Variants in THSD7B observed in about 807,000 individuals in gnomAD.
THSD7B encodes thrombospondin type-1 domain-containing protein 7B.
Under a neutral mutation model 213.6 loss-of-function variants are expected in THSD7B, and 138 were observed. That is an observed-to-expected ratio of 0.65 (90% confidence interval 0.56 to 0.74). The LOEUF is 0.74. Ranked by LOEUF, THSD7B falls within the 30% of genes least tolerant of loss-of-function variation. The probability of loss-of-function intolerance (pLI) is 0.00; values close to 1 mark genes in which losing one functional copy is unlikely to be tolerated. For missense variants in THSD7B, 1,931 were observed against 1,991.5 expected (o/e 0.97, Z 0.58); for synonymous variants, 742 against 687.0 (o/e 1.08, Z -1.25).
intron 13 of THSD7B, 113 bp downstream of exon 13, chr2:137,405,920 T>A: frequency 1.1e-6 from 1 of 884,302 alleles, no homozygotes; most frequent in Non-Finnish European, 1.7e-6. Context: ...TTCCTCTCTC[T>A]CCATTCGTTA....
chr2:137,112,751 C>G (rs918499397), intron 4 of THSD7B, among the ~76,000 whole-genome samples: 1 of 148,390 alleles, frequency 6.7e-6, no homozygotes, highest in African/African-American at 2.4e-5. Context: ...ATGAAATCCT[C>G]ATAAATAAAA....
intron 17 of THSD7B, among the ~76,000 whole-genome samples, chr2:137,574,432 C>T (rs1681417704): frequency 6.6e-6 from 1 of 152,078 alleles, no homozygotes; most frequent in African/African-American, 2.4e-5. Flanking sequence ...CCTTTACCTG[C>T]TTATGTACCT....
rs530415105 is a variant in THSD7B at position 137,080,930 on chromosome 2, T to A, written c.951-13943T>A. Among the ~76,000 whole-genome samples the A allele has an allele frequency of 7.5e-4, 114 of 152,308 alleles. 1 individual carries two copies. The highest frequency in any genetic ancestry group is 2.7e-3 in the African/African-American group (112 of 41,586). On this transcript the variant is annotated intron_variant, in intron 3 of 27. Transcript: ENST00000409968. The stretch of plus-strand genomic sequence containing the variant: ...AGCAAATTCTTGAGGAAAATCACAA[T>A]ATACAGTGTTTTCTGAGTTGGGGAG...
intron 7 of THSD7B, 65 bp downstream of exon 7, chr2:137,171,003 C>A: frequency 6.7e-7 from 1 of 1,488,124 alleles, no homozygotes; most frequent in Non-Finnish European, 9.2e-7. Flanking sequence ...CACATGACCA[C>A]CCTTCAATAG....
In THSD7B at chr2:137,300,917, A is replaced by G. The variant is rs556888634; in HGVS notation, c.2500+24891A>G. On this transcript the variant is annotated intron_variant, in intron 12 of 27. Coordinates refer to ENST00000409968, the MANE Select transcript of THSD7B (RefSeq NM_001316349.2). ...ACAGAGACATCGGGGTCATGTGGGGAAAAATGGAAGCTCTAGAAACCCCTT... is the reference window on the plus strand; with the variant it reads ...ACAGAGACATCGGGGTCATGTGGGGGAAAATGGAAGCTCTAGAAACCCCTT... Among the ~76,000 whole-genome samples the G allele has an allele frequency of 1.4e-4, 21 of 152,190 alleles. No individual in the cohort carries two copies. The South Asian group carries it at 1.5e-3, about 11-fold the overall frequency.
chr2:137,138,539 G>A (rs77791689), intron 5 of THSD7B, among the ~76,000 whole-genome samples: 7,485 of 152,188 alleles, frequency 0.049, 211 homozygotes, highest in East Asian at 0.09. Flanking sequence ...TAAAGGTGGA[G>A]TATTTAAATC....
chr2:137,033,315 A>G (rs997491364), intron 2 of THSD7B, among the ~76,000 whole-genome samples: 2 of 152,190 alleles, frequency 1.3e-5, no homozygotes, highest in Non-Finnish European at 2.9e-5. Flanking sequence ...CTCTGCTCCA[A>G]GTGGTCCTTC....
chr2:137,094,509 G>T (rs902347395), intron 3 of THSD7B, among the ~76,000 whole-genome samples: 5 of 151,142 alleles, frequency 3.3e-5, no homozygotes, highest in Admixed American at 6.6e-5. Flanking sequence ...GGGAGGCAGA[G>T]GTTGCATCAC....
intron 15 of THSD7B, among the ~76,000 whole-genome samples, chr2:137,500,392 C>T (rs749086768): frequency 2.0e-5 from 3 of 152,136 alleles, no homozygotes; most frequent in South Asian, 2.1e-4. Flanking sequence ...TTTAGACATG[C>T]GTAGTCAGGC....
chr2:137,290,670 A>G (rs780810879), intron 12 of THSD7B, among the ~76,000 whole-genome samples: 7 of 152,058 alleles, frequency 4.6e-5, no homozygotes, highest in Non-Finnish European at 7.4e-5. Flanking sequence ...CAGACTTAGA[A>G]TTTTCCCCTG....
At chr2:137,123,562 C>A (rs1003568099) in intron 5 of THSD7B, among the ~76,000 whole-genome samples, 1 of 152,098 alleles carries the variant, frequency 6.6e-6, no homozygotes. Context: ...CTGGAACCTC[C>A]TGAGTAAAGT....
intron 15 of THSD7B, among the ~76,000 whole-genome samples, chr2:137,554,664 C>A (rs189984295): frequency 4.7e-4 from 72 of 152,244 alleles, no homozygotes; most frequent in African/African-American, 1.6e-3. Flanking sequence ...AACTGAGGTA[C>A]CAGGTTCATC....
intron 20 of THSD7B, among the ~76,000 whole-genome samples, chr2:137,635,783 C>T (rs1170072790): frequency 6.6e-6 from 1 of 151,842 alleles, no homozygotes; most frequent in African/African-American, 2.4e-5. Flanking sequence ...TGGCTCACTG[C>T]AACCTCTGCC....
rs192907706 is a variant in THSD7B, at chr2:136,991,433, A to T, written c.140-64987A>T. On this transcript the variant is annotated intron_variant, in intron 2 of 27. Coordinates refer to ENST00000409968, the MANE Select transcript of THSD7B (RefSeq NM_001316349.2). ...TTGGCTAAGTGATATATTTGGAATT[A>T]AAAAAAGAGAGCGAGAGAGAGTCTC... is the stretch of plus-strand genomic sequence containing the variant. 2.0e-4 allele frequency among the ~76,000 whole-genome samples: 31 copies of T among 152,306 alleles called. 1 individual carries two copies. Among genetic ancestry groups the T allele is most frequent in the Admixed American group, 1.8e-3 (27 of 15,302 alleles).
chr2:137,478,531 A>T (rs765453913), intron 15 of THSD7B, among the ~76,000 whole-genome samples: 6 of 151,606 alleles, frequency 4.0e-5, no homozygotes, highest in African/African-American at 1.5e-4. Flanking sequence ...AGTTTCTTTA[A>T]TGTCATTATT....
chr2:137,447,196 T>C (rs1251045777), intron 14 of THSD7B, among the ~76,000 whole-genome samples: 1 of 152,082 alleles, frequency 6.6e-6, no homozygotes, highest in African/African-American at 2.4e-5. Context: ...TTACTTCTTA[T>C]CATAGGGAAA....
At chr2:137,618,835 A>G (rs2104840859) in intron 19 of THSD7B, among the ~76,000 whole-genome samples, 1 of 152,308 alleles carries the variant, frequency 6.6e-6, no homozygotes, top group East Asian at 1.9e-4. Flanking sequence ...ATTCTTTTGT[A>G]TTGGACAGGT....
intron 2 of THSD7B, among the ~76,000 whole-genome samples, chr2:136,914,457 A>G (rs1684318932): frequency 1.3e-5 from 2 of 152,206 alleles, no homozygotes; most frequent in African/African-American, 4.8e-5. Context: ...GGGAGGGACC[A>G]GGGTTGGAAT....
intron 12 of THSD7B, among the ~76,000 whole-genome samples, chr2:137,369,565 A>G (rs975391663): frequency 6.6e-6 from 1 of 152,202 alleles, no homozygotes; most frequent in African/African-American, 2.4e-5. Flanking sequence ...AAAAGAGGCT[A>G]AAGAGTTCCA....
Sources: gnomAD v4.1 joint callset for allele counts (sites outside exome capture counted in the v4.1 genomes callset) on GRCh38, gnomAD v4.1.1 for gene constraint, MANE v1.5 for transcripts, NCBI Gene and HGNC (gene_info 2026-07-23, HGNC 2026-07-21) for gene names.